The following TRPV3 variants were observed in gnomAD, a reference collection of about 807,000 sequenced individuals.
TRPV3 encodes the protein transient receptor potential cation channel subfamily V member 3, also known as VRL-3.
TRPV3 carries 88 observed loss-of-function variants against 87.1 expected under a neutral mutation model. The ratio of observed to expected loss-of-function variants is 1.01; its 90% confidence interval spans 0.85 to 1.21. TRPV3 has a LOEUF of 1.21. Ranked by LOEUF, TRPV3 falls within the 50% of genes most tolerant of loss-of-function variation. The pLI is 0.00. For missense variants in TRPV3, 1,054 were observed against 1,030.1 expected, an observed-to-expected ratio of 1.02 and a Z score of -0.32; for synonymous variants, 438 against 423.3, an observed-to-expected ratio of 1.03 and a Z score of -0.43.
intron 2 of TRPV3, chr17:3,554,504 G>C (rs1459892405): frequency 1.5e-5 from 7 of 467,150 alleles, no homozygotes; most frequent in Non-Finnish European, 2.3e-5. Flanking sequence ...CTCCAAGGAG[G>C]CTTCCCTAAT....
At chr17:3,545,359 C>G (rs557439602) in intron 2 of TRPV3, 88 bp from the exon 3 acceptor site, 1 of 982,300 alleles carries the variant, frequency 1.0e-6, no homozygotes, top group African/African-American at 1.6e-5. Flanking sequence ...GAGGGTGCCC[C>G]CATGCTGAGC....
chr17:3,523,229 G>A (rs961067541), intron 13 of TRPV3, among the ~76,000 whole-genome samples: 1 of 152,134 alleles, frequency 6.6e-6, no homozygotes, highest in Admixed American at 6.5e-5. Flanking sequence ...TATTATTCTG[G>A]TATTTGCAAA....
chr17:3,511,949 T>C lies in TRPV3; in HGVS notation c.*1968A>G, dbSNP rs1250351429. The C allele has an allele frequency of 1.3e-5, 2 of 152,186 alleles. No homozygotes were observed. Among genetic ancestry groups the C allele is most frequent in the African/African-American group, 4.8e-5 (2 of 41,450 alleles). The allele number at this position is 152,186 out of a possible 1,614,324, so 9.4% of individuals were successfully genotyped here. ...CAAACCACTTCCTTTCAGACCAAGA[T>C]GTCTGTTCAGGCTTAATGCGGGTAG... On this transcript the variant is annotated 3_prime_UTR_variant, in exon 18 of 18. Coordinates refer to ENST00000576742, the MANE Select transcript of TRPV3 (RefSeq NM_145068.4).
At chr17:3,526,475 C>T (rs9900873) in intron 12 of TRPV3, among the ~76,000 whole-genome samples, 13,580 of 151,508 alleles carry the variant, frequency 0.09, 1,692 homozygotes, top group African/African-American at 0.27. Flanking sequence ...TAAAACTCCA[C>T]CTCAACTAAA....
chr17:3,547,186 C>T (rs1000356717), intron 2 of TRPV3, among the ~76,000 whole-genome samples: 2 of 152,334 alleles, frequency 1.3e-5, no homozygotes, highest in African/African-American at 2.4e-5. Context: ...TGAAGTCAGA[C>T]GCCTTCTGAG....
intron 6 of TRPV3, among the ~76,000 whole-genome samples, chr17:3,542,183 C>T (rs575344938): frequency 6.6e-6 from 1 of 152,166 alleles, no homozygotes. Context: ...TCTTGAACTC[C>T]GGACCTCAGG....
At position 3,511,109 on chromosome 17, in the gene TRPV3, G is replaced by A. The variant is rs190136323; in HGVS notation, c.*2808C>T. The A allele has an allele frequency of 7.9e-5, 12 of 152,314 alleles. No homozygotes were observed. The highest frequency in any genetic ancestry group is 1.9e-4 in the East Asian group (1 of 5,178). 9.4% of individuals were successfully genotyped at this position (152,314 alleles called of 1,614,324 possible). ...CTGAAATTACTGAAATGTCAATCAC[G>A]GAGTTTTAGGATGTCCTGATAGACC... is the stretch of plus-strand genomic sequence containing the variant. On this transcript the variant is annotated 3_prime_UTR_variant, in exon 18 of 18. Transcript: ENST00000576742.
chr17:3,516,436 G>C, intron 16 of TRPV3, 21 bp downstream of exon 16: 1 of 1,599,914 alleles, frequency 6.3e-7, no homozygotes, highest in Non-Finnish European at 8.6e-7. Context: ...CACCACCCCA[G>C]GGCCCTTCTC....
chr17:3,521,497 A>G lies in TRPV3; in HGVS notation c.1744-458T>C, dbSNP rs367890313. Among the ~76,000 whole-genome samples the G allele has an allele frequency of 2.0e-5, 3 of 152,340 alleles. No individual in the cohort carries two copies. The South Asian group carries it at 6.2e-4, about 32-fold the overall frequency. On this transcript the variant is annotated intron_variant, in intron 13 of 17. Transcript: ENST00000576742. ...GGACAGCATGATGACTATAGTGAAC[A>G]ATACCGTGTTGTGTACTAGAAATTT... is the stretch of plus-strand genomic sequence containing the variant.
At chr17:3,544,894 A>G (rs1024489943) in intron 3 of TRPV3, among the ~76,000 whole-genome samples, 35 of 152,270 alleles carry the variant, frequency 2.3e-4, no homozygotes, top group African/African-American at 7.0e-4. Context: ...TGTGCCTGTA[A>G]TCCCAGCTAC....
At chr17:3,532,547 G>T in intron 8 of TRPV3, 110 bp downstream of exon 8, 2 of 1,380,336 alleles carry the variant, frequency 1.4e-6, no homozygotes, top group Non-Finnish European at 2.0e-6. Context: ...ACCTTCTCAA[G>T]GCTGAGGCTG....
rs757374291 is a variant in TRPV3, at chr17:3,544,612, A to G, written c.278T>C (p.Val93Ala). Residue 93 changes from valine to alanine, a missense_variant, in exon 4 of 18, where the codon GTG becomes GCG. Coordinates refer to ENST00000576742, the MANE Select transcript of TRPV3 (RefSeq NM_145068.4). The stretch of plus-strand genomic sequence containing the variant: ...GTTGGGATTGGATGGGGTCTCTGTC[A>G]CATCATCCTGAGGAGACTGGGGGGA... ...MDSPQSPQDD[V>A]TETPSNPNSP... The G allele has an allele frequency of 6.2e-7, 1 of 1,608,804 alleles. No homozygotes were observed. Among genetic ancestry groups the G allele is most frequent in the Non-Finnish European group, 8.5e-7 (1 of 1,178,810 alleles).
At chr17:3,532,532 C>T (rs2074357854) in intron 8 of TRPV3, 125 bp downstream of exon 8, 3 of 1,274,610 alleles carry the variant, frequency 2.4e-6, no homozygotes, top group Non-Finnish European at 3.2e-6. Context: ...GGACCCAAGG[C>T]TGGGACCTTC....
At chr17:3,515,790 G>A (rs2074177447) in intron 16 of TRPV3, among the ~76,000 whole-genome samples, 1 of 152,278 alleles carries the variant, frequency 6.6e-6, no homozygotes, top group East Asian at 1.9e-4. Flanking sequence ...CGGGGTCACA[G>A]GAACTCACAC....
Position 3,523,079 on chromosome 17 carries a change from T to G in TRPV3, c.1743+1119A>C, listed in dbSNP as rs889297297. 1.9e-4 allele frequency among the ~76,000 whole-genome samples: 29 copies of G among 152,180 alleles called. 1 individual carries two copies. The highest frequency in any genetic ancestry group is 1.3e-4 in the Non-Finnish European group (9 of 68,032). On this transcript the variant is annotated intron_variant, in intron 13 of 17. Transcript: ENST00000576742. ...TTGGTAAATGCCACAAATCAGAGATTGATTGACTCATTGTTTTGTTGATAT... is the reference window on the plus strand; with the variant it reads ...TTGGTAAATGCCACAAATCAGAGATGGATTGACTCATTGTTTTGTTGATAT...
At chr17:3,521,901 C>T (rs2074249483) in intron 13 of TRPV3, among the ~76,000 whole-genome samples, 1 of 151,990 alleles carries the variant, frequency 6.6e-6, no homozygotes, top group Non-Finnish European at 1.5e-5. Context: ...CATGGCGAAA[C>T]CCCGTCTCTA....
At chr17:3,539,555 G>A (rs1278860675) in intron 6 of TRPV3, 4 of 152,152 alleles carry the variant, frequency 2.6e-5, no homozygotes, top group African/African-American at 9.7e-5. Flanking sequence ...GGGAGGCTGA[G>A]GTGGGAAAAT....
intron 2 of TRPV3, 128 bp downstream of exon 2, chr17:3,554,604 C>T: frequency 1.5e-6 from 1 of 681,814 alleles, no homozygotes; most frequent in Non-Finnish European, 2.5e-6. Context: ...TCGCCGGGCA[C>T]CGGGCCACCC....
intron 2 of TRPV3, 103 bp from the exon 3 acceptor site, chr17:3,545,374 A>T (rs1054341826): frequency 3.1e-5 from 25 of 814,864 alleles, no homozygotes; most frequent in Non-Finnish European, 4.6e-5. Context: ...CTGAGCACAC[A>T]CCCTGGCCAG....
Sources: allele counts gnomAD v4.1 joint callset (sites outside exome capture counted in the v4.1 genomes callset), GRCh38; gene constraint gnomAD v4.1.1; transcripts MANE v1.5; gene names NCBI Gene and HGNC (gene_info 2026-07-23, HGNC 2026-07-21).